Variants in CNTNAP5 observed in about 807,000 individuals in gnomAD.
The protein encoded by CNTNAP5 is contactin-associated protein-like 5.
In CNTNAP5, 72 loss-of-function variants were observed where a neutral mutation model predicts 150.2. That is an observed-to-expected ratio of 0.48 (90% CI 0.40 to 0.58). CNTNAP5 has a LOEUF of 0.58. Ranked by LOEUF, CNTNAP5 falls within the 20% of genes least tolerant of loss-of-function variation. The probability of loss-of-function intolerance (pLI) is 0.00; values close to 1 mark genes in which losing one functional copy is unlikely to be tolerated. For missense variants in CNTNAP5, 1,636 were observed against 1,626.2 expected (o/e 1.01, Z -0.10); for synonymous variants, 672 against 619.8 (o/e 1.08, Z -1.25).
At chr2:124,757,536 T>A (rs1573597099) in intron 14 of CNTNAP5, among the ~76,000 whole-genome samples, 1 of 152,206 alleles carries the variant, frequency 6.6e-6, no homozygotes, top group South Asian at 2.1e-4. Context: ...TATAGGCAAA[T>A]GCTTTGGCAT....
chr2:124,816,150 A>G (rs1291500741), intron 19 of CNTNAP5, among the ~76,000 whole-genome samples: 1 of 152,168 alleles, frequency 6.6e-6, no homozygotes, highest in South Asian at 2.1e-4. Flanking sequence ...ATTGTTGAGT[A>G]ATACTTCTAC....
chr2:124,025,883 C>A (rs1680873839), intron 1 of CNTNAP5, among the ~76,000 whole-genome samples, 151 bp downstream of exon 1: 1 of 152,192 alleles, frequency 6.6e-6, no homozygotes, highest in Non-Finnish European at 1.5e-5. Flanking sequence ...TCACTCCAAC[C>A]ATCCCAAAAG....
At chr2:124,807,333 T>C (rs529946146) in intron 19 of CNTNAP5, among the ~76,000 whole-genome samples, 1 of 152,248 alleles carries the variant, frequency 6.6e-6, no homozygotes, top group Admixed American at 6.5e-5. Context: ...GAAAGATGGG[T>C]CGGGGGATAG....
chr2:124,646,279 A>C (rs1214467098), intron 12 of CNTNAP5, among the ~76,000 whole-genome samples: 1 of 152,206 alleles, frequency 6.6e-6, no homozygotes, highest in Non-Finnish European at 1.5e-5. Flanking sequence ...CAAGTGGCCT[A>C]TTCTTTTCTC....
At chr2:124,444,742 G>C (rs1191045832) in intron 5 of CNTNAP5, among the ~76,000 whole-genome samples, 2 of 152,132 alleles carry the variant, frequency 1.3e-5, no homozygotes, top group East Asian at 3.9e-4. Flanking sequence ...CCAGGCCGAC[G>C]AGCTCCTGGC....
chr2:124,172,804 C>T (rs2104666959), intron 1 of CNTNAP5, among the ~76,000 whole-genome samples: 1 of 148,878 alleles, frequency 6.7e-6, no homozygotes, highest in African/African-American at 2.5e-5. Flanking sequence ...TGTGTGTGTA[C>T]ATGTGTATGT....
At position 124,504,522 on chromosome 2, in the gene CNTNAP5, G is replaced by C. The variant is rs764258238; in HGVS notation, c.1293G>C (p.Gln431His). Residue 431 changes from glutamine to histidine, a missense_variant, in exon 8 of 24, where the codon CAG (glutamine) becomes CAC (histidine). By Grantham distance (24) the Gln-to-His change is conservative (BLOSUM62 0). Transcript: ENST00000682447. ...LEGGILRLVI[Q>H]KMTERVAEIL... is the part of the protein sequence containing the mutation. ...GTGGAATCCTGAGACTCGTGATTCA[G>C]AAAATGACAGAACGCGTAGCTGAAA... is the stretch of plus-strand genomic sequence containing the variant. The C allele has an allele frequency of 1.2e-6, 2 of 1,613,794 alleles. No homozygotes were observed. Among genetic ancestry groups the C allele is most frequent in the Non-Finnish European group, 1.7e-6 (2 of 1,179,838 alleles).
In CNTNAP5 at chr2:124,113,504, A is replaced by ATGTGTG. The variant is rs199692680; in HGVS notation, c.82+87773_82+87774insGTGTGT. 9.9e-3 allele frequency among the ~76,000 whole-genome samples: 1,145 copies of ATGTGTG among 115,314 alleles called. 6 individuals carry two copies. The highest frequency in any genetic ancestry group is 0.021 in the South Asian group (66 of 3,134). The allele number at this position is 115,314 out of a possible 152,430, so 75.7% of individuals were successfully genotyped here. On this transcript the variant is annotated intron_variant, in intron 1 of 23. Coordinates refer to ENST00000682447, the MANE Select transcript of CNTNAP5 (RefSeq NM_001367498.1). Reference sequence around the variant, plus strand: ...ATATATCTATTCAACTGATACATATATATGTGTGTGTGTGTGTGTGTGTGT... The same window carrying ATGTGTG: ...ATATATCTATTCAACTGATACATATATGTGTGTATGTGTGTGTGTGTGTGTGTGTGT...
chr2:124,844,275 TC>T (rs1683001977), intron 19 of CNTNAP5, among the ~76,000 whole-genome samples: 1 of 152,118 alleles, frequency 6.6e-6, no homozygotes, highest in South Asian at 2.1e-4. Flanking sequence ...GGGTGTCCTT[TC>T]CCCACTTTAT....
chr2:124,277,472 T>G (rs2104619252), intron 3 of CNTNAP5, among the ~76,000 whole-genome samples: 1 of 152,286 alleles, frequency 6.6e-6, no homozygotes, highest in South Asian at 2.1e-4. Flanking sequence ...TGCAGAAAGC[T>G]AAACAGTCTA....
intron 1 of CNTNAP5, among the ~76,000 whole-genome samples, chr2:124,112,350 G>T (rs866785738): frequency 1.3e-5 from 2 of 152,208 alleles, no homozygotes; most frequent in African/African-American, 2.4e-5. Flanking sequence ...GCTCTGATTG[G>T]AAGCATCATA....
Position 124,798,191 on chromosome 2 carries a change from A to G in CNTNAP5, c.3088A>G (p.Ile1030Val), listed in dbSNP as rs771513912. Reference protein sequence around the residue: ...TKNISLSSSAIYTDSAPSKEN... With the variant: ...TKNISLSSSAVYTDSAPSKEN... ...GAATATAAGCCTCTCATCCTCAGCTATTTACACAGATTCAGCTCCATCCAA... is the reference window on the plus strand; with the variant it reads ...GAATATAAGCCTCTCATCCTCAGCTGTTTACACAGATTCAGCTCCATCCAA... Residue 1030 changes from isoleucine to valine, a missense_variant, in exon 19 of 24, where the codon ATT becomes GTT. Physicochemically the swap from Ile to Val is conservative, Grantham distance 29 (BLOSUM62 3). Transcript: ENST00000682447. 1.2e-6 allele frequency: 2 copies of G among 1,613,692 alleles called. No homozygotes were observed. The highest frequency in any genetic ancestry group is 1.3e-5 in the African/African-American group (1 of 74,922).
At chr2:124,279,209 GTTAAAAC>G (rs1687957189) in intron 3 of CNTNAP5, among the ~76,000 whole-genome samples, 3 of 150,114 alleles carry the variant, frequency 2.0e-5, no homozygotes, top group Admixed American at 1.3e-4. Flanking sequence ...TATATTCTTA[GTTAAAAC>G]TGTAGGAAGT....
intron 19 of CNTNAP5, among the ~76,000 whole-genome samples, chr2:124,802,976 A>G (rs760468750): frequency 2.6e-5 from 4 of 151,996 alleles, no homozygotes; most frequent in African/African-American, 9.7e-5. Flanking sequence ...TTAGCCAGGC[A>G]TGGTGGCGGG....
intron 13 of CNTNAP5, among the ~76,000 whole-genome samples, chr2:124,738,739 AAAG>A (rs1234950481): frequency 1.3e-5 from 2 of 151,734 alleles, no homozygotes; most frequent in African/African-American, 2.4e-5. Context: ...AAAAAAAAAA[AAAG>A]AAAGAAAGAA....
intron 1 of CNTNAP5, among the ~76,000 whole-genome samples, chr2:124,163,723 C>T (rs1318390681): frequency 6.6e-6 from 1 of 152,126 alleles, no homozygotes. Context: ...CTCCCCCATT[C>T]TCACCTTAAT....
chr2:124,592,785 G>C (rs1030506238), intron 11 of CNTNAP5, among the ~76,000 whole-genome samples: 1 of 151,804 alleles, frequency 6.6e-6, no homozygotes, highest in Non-Finnish European at 1.5e-5. Context: ...CATATCATCA[G>C]CATATATTCC....
intron 13 of CNTNAP5, among the ~76,000 whole-genome samples, chr2:124,704,397 A>C (rs1412766196): frequency 6.6e-6 from 1 of 152,166 alleles, no homozygotes; most frequent in Non-Finnish European, 1.5e-5. Flanking sequence ...ATAATAAAAG[A>C]GTGTTTGGAC....
chr2:124,274,500 T>A (rs979853209), intron 3 of CNTNAP5, among the ~76,000 whole-genome samples: 8 of 152,000 alleles, frequency 5.3e-5, no homozygotes, highest in African/African-American at 1.9e-4. Flanking sequence ...TCAGGTTTTT[T>A]TTTCCGCTGG....
Sources: gnomAD v4.1 joint callset for allele counts (sites outside exome capture counted in the v4.1 genomes callset) on GRCh38, gnomAD v4.1.1 for gene constraint, MANE v1.5 for transcripts, NCBI Gene and HGNC (gene_info 2026-07-23, HGNC 2026-07-21) for gene names.